UBR1: variants seen among roughly 807,000 people sequenced by gnomAD.
UBR1 encodes the protein ubiquitin protein ligase E3 component n-recognin 1.
Under a neutral mutation model 242.1 loss-of-function variants are expected in UBR1, and 102 were observed. That is an observed-to-expected ratio of 0.42 (90% CI 0.36 to 0.50). UBR1 has a LOEUF of 0.50. Among genes scored for constraint, UBR1 ranks in the 20% least tolerant of loss-of-function variants. The pLI is 0.01. For missense variants in UBR1, 1,772 were observed against 2,101.8 expected (o/e 0.84, Z 3.07); for synonymous variants, 675 against 684.8 (o/e 0.99, Z 0.22).
chr15:43,014,549 T>G (rs2032981324), intron 29 of UBR1, among the ~76,000 whole-genome samples: 1 of 150,178 alleles, frequency 6.7e-6, no homozygotes, highest in South Asian at 2.1e-4. Context: ...GTCTGGGATG[T>G]GAGTGCCTCT....
chr15:42,972,083 T>C (rs1448273671), intron 39 of UBR1, among the ~76,000 whole-genome samples: 1 of 152,192 alleles, frequency 6.6e-6, no homozygotes, highest in Non-Finnish European at 1.5e-5. Context: ...TTCTATGAGT[T>C]TGGACAAATG....
At chr15:43,043,544 C>T in intron 14 of UBR1, 149 bp from the exon 15 acceptor site, 2 of 736,438 alleles carry the variant, frequency 2.7e-6, no homozygotes, top group Admixed American at 2.1e-5. Flanking sequence ...TGGGCTCAGT[C>T]ACCTGAGGTG....
At chr15:43,061,473 A>C (rs1224870181) in intron 6 of UBR1, among the ~76,000 whole-genome samples, 1 of 152,192 alleles carries the variant, frequency 6.6e-6, no homozygotes, top group African/African-American at 2.4e-5. Context: ...CACGGCACCA[A>C]CTGAAATGCC....
intron 29 of UBR1, among the ~76,000 whole-genome samples, chr15:43,015,322 C>A (rs1246098385): frequency 6.6e-6 from 1 of 152,136 alleles, no homozygotes; most frequent in East Asian, 1.9e-4. Context: ...GCCTTGGGAT[C>A]CTGTTGATCT....
intron 41 of UBR1, among the ~76,000 whole-genome samples, chr15:42,964,812 A>G (rs919164870): frequency 6.6e-6 from 1 of 152,196 alleles, no homozygotes; most frequent in Non-Finnish European, 1.5e-5. Flanking sequence ...CTGTCTGTTC[A>G]ACTCAACCCC....
At chr15:43,064,526 A>G (rs1054311834) in intron 6 of UBR1, among the ~76,000 whole-genome samples, 2 of 152,146 alleles carry the variant, frequency 1.3e-5, no homozygotes, top group African/African-American at 4.8e-5. Flanking sequence ...TTGTTCTCTC[A>G]ATACAAGGAT....
chr15:42,951,708 T>G (rs914763226), intron 45 of UBR1, among the ~76,000 whole-genome samples: 1 of 152,128 alleles, frequency 6.6e-6, no homozygotes, highest in African/African-American at 2.4e-5. Context: ...GGCCTTGAAC[T>G]CCCAGGCTCA....
Position 43,058,366 on chromosome 15 carries a change from T to G in UBR1, c.1157A>C (p.Lys386Thr). 1.2e-6 allele frequency: 2 copies of G among 1,610,130 alleles called. No individual in the cohort carries two copies. The highest frequency in any genetic ancestry group is 1.7e-6 in the Non-Finnish European group (2 of 1,177,798). Residue 386 changes from lysine to threonine, a missense_variant, in exon 10 of 47, where the codon AAA becomes ACA. Transcript: ENST00000290650. ...CTTCACAAATTCCATAGCAAAGAGT[T>G]TTTTGTATTCCATCTCCATAAAAAA... The part of the protein sequence containing the change: ...SSFFMEMEYK[K>T]LFAMEFVKYY...
At chr15:43,098,978 C>A (rs905213210) in intron 1 of UBR1, among the ~76,000 whole-genome samples, 1 of 152,144 alleles carries the variant, frequency 6.6e-6, no homozygotes, top group Non-Finnish European at 1.5e-5. Flanking sequence ...AAAATCATCT[C>A]CAATTAAAAT....
intron 1 of UBR1, among the ~76,000 whole-genome samples, chr15:43,090,126 T>C (rs2034090226): frequency 6.6e-6 from 1 of 152,222 alleles, no homozygotes; most frequent in South Asian, 2.1e-4. Flanking sequence ...CAACATTTTT[T>C]ATAGTCTAAG....
chr15:43,038,344 C>G (rs1227282560), intron 15 of UBR1, 112 bp from the exon 16 acceptor site: 17 of 1,022,984 alleles, frequency 1.7e-5, no homozygotes, highest in Non-Finnish European at 2.6e-5. Flanking sequence ...CGCGGTGGCT[C>G]ATGCCTGTAA....
intron 15 of UBR1, among the ~76,000 whole-genome samples, chr15:43,042,190 CA>C (rs2033428342): frequency 6.6e-6 from 1 of 151,906 alleles, no homozygotes; most frequent in African/African-American, 2.4e-5. Context: ...GGTATATACC[CA>C]AAAAACTGAA....
Position 42,970,586 on chromosome 15 carries a change from T to G in UBR1, c.4391A>C (p.Gln1464Pro), listed in dbSNP as rs765799187. 4.3e-6 allele frequency: 7 copies of G among 1,613,732 alleles called. No homozygotes were observed. The East Asian group carries it at 1.6e-4, about 36-fold the overall frequency. Residue 1464 changes from glutamine to proline, a missense_variant, in exon 40 of 47, where the codon CAA (glutamine) becomes CCA (proline). Transcript: ENST00000290650. ...VDTGLPLAQV[Q>P]EDSEEAHSAS... ...GGAATGAGCCTCTTCACTGTCTTCT[T>G]GAACCTGAGCAAGGGGTAGGCCTGA...
intron 9 of UBR1, 104 bp from the exon 10 acceptor site, chr15:43,058,533 A>T: frequency 1.4e-6 from 1 of 726,512 alleles, no homozygotes; most frequent in Non-Finnish European, 2.4e-6. Flanking sequence ...AAATTACTTC[A>T]CATGCAAACA....
At position 43,047,243 on chromosome 15, in the gene UBR1, T is replaced by A; in HGVS notation, c.1586A>T (p.Asp529Val). The A allele has an allele frequency of 6.2e-7, 1 of 1,614,184 alleles. No homozygotes were observed. Among genetic ancestry groups the A allele is most frequent in the Non-Finnish European group, 8.5e-7 (1 of 1,180,036 alleles). Residue 529 changes from aspartate (D) to valine (V), a missense_variant, in exon 14 of 47, where the codon GAT (aspartate) becomes GTT (valine). Transcript: ENST00000290650. ...RRQVGQHIEV[D>V]PDWEAAIAIQ... The stretch of plus-strand genomic sequence containing the variant: ...AGCAATGGCAGCCTCCCAATCAGGA[T>A]CCACTTCAATGTGTTGCCCAACCTG...
At chr15:43,081,085 T>C (rs936277729) in intron 3 of UBR1, among the ~76,000 whole-genome samples, 4 of 152,200 alleles carry the variant, frequency 2.6e-5, no homozygotes, top group Non-Finnish European at 5.9e-5. Flanking sequence ...TGTTGAATTA[T>C]CTTCTGAAGT....
intron 44 of UBR1, among the ~76,000 whole-genome samples, chr15:42,956,331 T>C (rs1471152996): frequency 6.6e-6 from 1 of 152,202 alleles, no homozygotes; most frequent in Admixed American, 6.5e-5. Flanking sequence ...TTTTTTTTCT[T>C]TTGAGACATA....
At chr15:43,025,224 A>T in intron 24 of UBR1, 157 bp downstream of exon 24, 1 of 830,700 alleles carries the variant, frequency 1.2e-6, no homozygotes, top group Non-Finnish European at 1.9e-6. Context: ...ACTGATATAT[A>T]CCATATCTTA....
At chr15:43,076,124 G>A (rs1444400567) in intron 3 of UBR1, among the ~76,000 whole-genome samples, 38 of 148,862 alleles carry the variant, frequency 2.6e-4, no homozygotes, top group African/African-American at 6.1e-4. Context: ...GCAGGCGCGC[G>A]CCGCCACGCC....
Sources: gnomAD v4.1 joint callset for allele counts (sites outside exome capture counted in the v4.1 genomes callset) on GRCh38, gnomAD v4.1.1 for gene constraint, MANE v1.5 for transcripts, NCBI Gene and HGNC (gene_info 2026-07-23, HGNC 2026-07-21) for gene names.